Variants in ATP6V1C2 observed in about 807,000 individuals in gnomAD.
The protein encoded by ATP6V1C2 is ATPase H+ transporting V1 subunit C2.
A neutral mutation model predicts 56.8 loss-of-function variants in ATP6V1C2; 45 were observed. The observed-to-expected ratio is 0.79, with a 90% CI of 0.62 to 1.02. ATP6V1C2 has a LOEUF of 1.02. ATP6V1C2 is among the 50% of genes least tolerant of loss of function. The pLI is 0.00. For synonymous variants in ATP6V1C2, 220 were observed against 201.3 expected (o/e 1.09, Z -0.79); for missense variants, 463 against 519.7 (o/e 0.89, Z 1.06).
In ATP6V1C2 at chr2:10,782,300, C is replaced by T; in HGVS notation, c.1119C>T (p.Ser373=). ...AVLLQPHKKS[S]TKRLREVLNS... ...TCCTGCAGCCGCATAAGAAGTCATCCACCAAGCGTTTAAGAGAGGTTCTAA... is the reference window on the plus strand; with the variant it reads ...TCCTGCAGCCGCATAAGAAGTCATCTACCAAGCGTTTAAGAGAGGTTCTAA... Residue 373 remains serine (S), a synonymous_variant, in exon 13 of 14, where the codon TCC becomes TCT. Coordinates refer to ENST00000272238, the MANE Select transcript of ATP6V1C2 (RefSeq NM_001039362.2). 1 of 1,614,218 alleles carries T rather than the reference C, an allele frequency of 6.2e-7. No homozygotes were observed. The highest frequency in any genetic ancestry group is 8.5e-7 in the Non-Finnish European group (1 of 1,180,036).
In ATP6V1C2 at chr2:10,784,739, T is replaced by A; in HGVS notation, c.*1476T>A. 1 of 556,742 alleles carries A rather than the reference T, an allele frequency of 1.8e-6. No homozygotes were observed. Among genetic ancestry groups the A allele is most frequent in the South Asian group, 2.4e-5 (1 of 40,866 alleles). 34.5% of individuals were successfully genotyped at this position (556,742 alleles called of 1,614,324 possible). On this transcript the variant is annotated 3_prime_UTR_variant, in exon 14 of 14. Coordinates refer to ENST00000272238, the MANE Select transcript of ATP6V1C2 (RefSeq NM_001039362.2). ...TGAAATGTATCTTGGCTGTCAAGAG[T>A]ATCAAATGCCATGCAGCACTTAAAC...
At chr2:10,739,416 ACTAGCTAGACTTCCTGACCC>A (rs763194770) in intron 3 of ATP6V1C2, among the ~76,000 whole-genome samples, 188 of 152,160 alleles carry the variant, frequency 1.2e-3, no homozygotes, top group Middle Eastern at 3.4e-3. Flanking sequence ...TAGCTTCCTG[ACTAGCTAGACTTCCTGACCC>A]CTAGCTAGAC....
In ATP6V1C2 at chr2:10,746,557, C is replaced by T. The variant is rs573298652; in HGVS notation, c.198-7424C>T. On this transcript the variant is annotated intron_variant, in intron 3 of 13. Transcript: ENST00000272238. ...CCTCCGAAGTAGCTGGGATTACAGG[C>T]GCCCACCAGCACGCCAGGCTAGTTT... Among the ~76,000 whole-genome samples the T allele has an allele frequency of 4.6e-5, 7 of 151,958 alleles. No homozygotes were observed. The East Asian group carries it at 9.7e-4, about 21-fold the overall frequency.
chr2:10,721,463 T>C (rs907725421), upstream of ATP6V1C2, among the ~76,000 whole-genome samples: 6 of 152,092 alleles, frequency 3.9e-5, no homozygotes, highest in Non-Finnish European at 8.8e-5. Context: ...CTGGAGACCC[T>C]GCGCGTCTCC....
intron 3 of ATP6V1C2, among the ~76,000 whole-genome samples, chr2:10,727,137 G>A (rs1026415580): frequency 2.7e-5 from 4 of 149,922 alleles, no homozygotes; most frequent in Non-Finnish European, 5.9e-5. Flanking sequence ...TGGTCTGATC[G>A]TGGCTCATTG....
chr2:10,729,235 G>A (rs1661826189), intron 3 of ATP6V1C2, among the ~76,000 whole-genome samples: 1 of 150,330 alleles, frequency 6.7e-6, no homozygotes, highest in African/African-American at 2.5e-5. Context: ...CACGATCTGG[G>A]CTCACTACAG....
At chr2:10,754,852 C>G (rs919202474) in intron 4 of ATP6V1C2, among the ~76,000 whole-genome samples, 1 of 152,122 alleles carries the variant, frequency 6.6e-6, no homozygotes, top group Non-Finnish European at 1.5e-5. Flanking sequence ...GCTGGGATTA[C>G]AGGCGTGAGC....
chr2:10,783,453 T>C lies in ATP6V1C2; in HGVS notation c.*190T>C, dbSNP rs1665520538. On this transcript the variant is annotated 3_prime_UTR_variant, in exon 14 of 14. Transcript: ENST00000272238. ...AAATGCTCTCAAGTCCTTTGAATGT[T>C]CCAACAAATTCAAAACTTCATTTTC... 2.0e-6 allele frequency: 1 copy of C among 501,812 alleles called. No homozygotes were observed. The highest frequency in any genetic ancestry group is 3.6e-6 in the Non-Finnish European group (1 of 281,556). The allele number at this position is 501,812 out of a possible 1,614,324, so 31.1% of individuals were successfully genotyped here.
At chr2:10,751,216 G>A (rs1430548636) in intron 3 of ATP6V1C2, among the ~76,000 whole-genome samples, 1 of 152,082 alleles carries the variant, frequency 6.6e-6, no homozygotes, top group Admixed American at 6.6e-5. Flanking sequence ...CACTGGAACT[G>A]GGAGGGAACC....
chr2:10,723,267 C>A (rs981759675), intron 2 of ATP6V1C2, among the ~76,000 whole-genome samples: 1 of 152,184 alleles, frequency 6.6e-6, no homozygotes, highest in Admixed American at 6.5e-5. Context: ...GTGGGAAGCA[C>A]GTTAAATGCA....
intron 3 of ATP6V1C2, among the ~76,000 whole-genome samples, chr2:10,728,774 C>CAAAAA (rs370117201): frequency 1.3e-5 from 1 of 74,268 alleles, no homozygotes; most frequent in Non-Finnish European, 3.1e-5. Flanking sequence ...CACCCTGTCT[C>CAAAAA]AAAAAAAAAA....
At chr2:10,726,474 G>C (rs1348047988) in intron 2 of ATP6V1C2, 28 bp from the exon 3 acceptor site, 1 of 1,593,154 alleles carries the variant, frequency 6.3e-7, no homozygotes, top group Non-Finnish European at 8.6e-7. Context: ...AAACCTGTGA[G>C]CCTCTGACGT....
chr2:10,741,442 G>A (rs1023645048), intron 3 of ATP6V1C2, among the ~76,000 whole-genome samples: 22 of 150,882 alleles, frequency 1.5e-4, no homozygotes, highest in Non-Finnish European at 3.0e-4. Context: ...GGAACACAGG[G>A]TCCCCCTGGA....
chr2:10,755,884 C>T (rs146777009), intron 4 of ATP6V1C2, among the ~76,000 whole-genome samples: 10 of 152,292 alleles, frequency 6.6e-5, no homozygotes, highest in East Asian at 1.9e-4. Flanking sequence ...GCTGATGGGA[C>T]GAACCTTTAG....
intron 3 of ATP6V1C2, among the ~76,000 whole-genome samples, chr2:10,734,432 C>T (rs796392780): frequency 2.0e-5 from 3 of 152,228 alleles, no homozygotes; most frequent in African/African-American, 7.2e-5. Flanking sequence ...ATTTTTCTTC[C>T]CTGTCTTTTG....
In ATP6V1C2 at chr2:10,778,686, C is replaced by T; in HGVS notation, c.1061+17C>T. On this transcript the variant is annotated intron_variant, in intron 12 of 13. Coordinates refer to ENST00000272238, the MANE Select transcript of ATP6V1C2 (RefSeq NM_001039362.2). ...CGTGCTCAGGTGCGTGGCAGTGATG[C>T]CCCGGCTGGGACTGTCCTGAGGATG... 6 of 1,613,002 alleles carry T rather than the reference C, an allele frequency of 3.7e-6. No individual in the cohort carries two copies. The highest frequency in any genetic ancestry group is 4.2e-6 in the Non-Finnish European group (5 of 1,178,972).
At chr2:10,782,829 CAAAAAAAAAAAAAAAAAA>C (rs60533807) in intron 13 of ATP6V1C2, among the ~76,000 whole-genome samples, 16 of 52,224 alleles carry the variant, frequency 3.1e-4, no homozygotes, top group South Asian at 2.9e-3. Context: ...GACTCTGTCT[CAAAAAAAAAAAAAAAAAA>C]AAAAAAAAAA....
chr2:10,778,645 GAGTGTTTGTGGAGT>G lies in ATP6V1C2; in HGVS notation c.1038_1051del (p.Arg346SerfsTer20). The G allele has an allele frequency of 6.2e-7, 1 of 1,614,192 alleles. No individual in the cohort carries two copies. Among genetic ancestry groups the G allele is most frequent in the Non-Finnish European group, 8.5e-7 (1 of 1,180,014 alleles). On this transcript the variant is annotated frameshift_variant, in exon 12 of 14. Coordinates refer to ENST00000272238, the MANE Select transcript of ATP6V1C2 (RefSeq NM_001039362.2). LOFTEE classifies it high-confidence loss of function. The stretch of plus-strand genomic sequence containing the variant: ...GCCTGGATCCACATCAAGGCCCTGA[GAGTGTTTGTGGAGT>G]CCGTGCTCAGGTGCGTGGCAGTGAT...
chr2:10,741,865 T>G (rs1209323696), intron 3 of ATP6V1C2, among the ~76,000 whole-genome samples: 1 of 147,996 alleles, frequency 6.8e-6, no homozygotes, highest in Non-Finnish European at 1.5e-5. Flanking sequence ...CCCAGGCATC[T>G]GGGTTCCTCC....
Sources: allele counts gnomAD v4.1 joint callset (sites outside exome capture counted in the v4.1 genomes callset), GRCh38; gene constraint gnomAD v4.1.1; transcripts MANE v1.5; gene names NCBI Gene and HGNC (gene_info 2026-07-23, HGNC 2026-07-21).